The following LMNA variants were observed in gnomAD, a reference collection of about 807,000 sequenced individuals.
LMNA encodes the protein lamin A/C, also known as lamin.
LMNA carries 20 observed loss-of-function variants against 70.4 expected under a neutral mutation model. That is an observed-to-expected ratio of 0.28 (90% CI 0.20 to 0.41). The LOEUF (loss-of-function observed/expected upper bound fraction) is 0.41, where lower values mean the gene tolerates loss of function less well. Among genes scored for constraint, LMNA ranks in the 10% least tolerant of loss-of-function variants. The pLI is 1.00. For synonymous variants in LMNA, 339 were observed against 372.8 expected (o/e 0.91, Z 1.04); for missense variants, 652 against 917.2 (o/e 0.71, Z 3.73).
chr1:156,117,854 C>T (rs1478753076), intron 1 of LMNA, among the ~76,000 whole-genome samples: 4 of 151,886 alleles, frequency 2.6e-5, no homozygotes, highest in African/African-American at 9.7e-5. Flanking sequence ...GGCTAGAGTG[C>T]AATGGTACAA....
intron 3 of LMNA, among the ~76,000 whole-genome samples, chr1:156,104,127 C>T (rs886648337): frequency 6.6e-6 from 1 of 152,240 alleles, no homozygotes; most frequent in East Asian, 1.9e-4. Flanking sequence ...TTCCCTTAGC[C>T]CAGCTCTCTG....
intron 2 of LMNA, among the ~76,000 whole-genome samples, chr1:156,083,366 A>T (rs1414202710): frequency 6.6e-6 from 1 of 152,084 alleles, no homozygotes; most frequent in Non-Finnish European, 1.5e-5. Flanking sequence ...TGAGCTTTGG[A>T]TATGACAGGA....
intron 1 of LMNA, among the ~76,000 whole-genome samples, chr1:156,122,578 C>T (rs1650264164): frequency 6.6e-6 from 1 of 152,158 alleles, no homozygotes. Flanking sequence ...GTTTTCATTG[C>T]TACTAGGAAA....
Position 156,103,621 on chromosome 1 carries a change from G to A in LMNA, c.-206-11092G>A, listed in dbSNP as rs1426354475. ...CTCATTCGGGCGGGGAGAAGGAAGG[G>A]GTCCTGGACTAGCTCTCCTGTGTCC... On this transcript the variant is annotated intron_variant, in intron 3 of 12. Transcript: ENST00000368301. The surrounding 1 kb of genome is among the most constrained non-coding windows in gnomAD (Gnocchi z 4.7). 6.6e-6 allele frequency among the ~76,000 whole-genome samples: 1 copy of A among 152,134 alleles called. No individual in the cohort carries two copies. Among genetic ancestry groups the A allele is most frequent in the Non-Finnish European group, 1.5e-5 (1 of 68,020 alleles).
chr1:156,121,292 A>G (rs533879766), intron 1 of LMNA, among the ~76,000 whole-genome samples: 12 of 151,964 alleles, frequency 7.9e-5, no homozygotes, highest in African/African-American at 2.9e-4. Context: ...TAAGCAGTCC[A>G]CCCACCTTGA....
intron 2 of LMNA, among the ~76,000 whole-genome samples, chr1:156,086,411 TC>T (rs1648477206): frequency 6.6e-6 from 1 of 152,076 alleles, no homozygotes; most frequent in Non-Finnish European, 1.5e-5. Context: ...TCTCTCTCTC[TC>T]TCTCTCTCTC....
chr1:156,123,014 C>T (rs1286703448), intron 1 of LMNA: 2 of 152,244 alleles, frequency 1.3e-5, no homozygotes, highest in Non-Finnish European at 2.9e-5. Flanking sequence ...ATCCCAGGCC[C>T]GGCAGGGGCG....
At chr1:156,119,167 G>A (rs1251370937) in intron 1 of LMNA, among the ~76,000 whole-genome samples, 3 of 151,654 alleles carry the variant, frequency 2.0e-5, no homozygotes, top group Admixed American at 6.6e-5. Flanking sequence ...TGCCAGGCTG[G>A]AGTGCAGTGG....
chr1:156,106,488 C>A (rs909604695), intron 3 of LMNA, among the ~76,000 whole-genome samples: 1 of 152,254 alleles, frequency 6.6e-6, no homozygotes, highest in Non-Finnish European at 1.5e-5. Flanking sequence ...TCGCCTGCGT[C>A]AGCACCAGCC....
chr1:156,104,472 G>T (rs1649252218), intron 3 of LMNA, among the ~76,000 whole-genome samples: 1 of 151,974 alleles, frequency 6.6e-6, no homozygotes. Flanking sequence ...CCCTGGACTG[G>T]ATTCTAAATG....
chr1:156,113,082 G>A (rs1649597862), upstream of LMNA, among the ~76,000 whole-genome samples: 1 of 151,924 alleles, frequency 6.6e-6, no homozygotes, highest in African/African-American at 2.4e-5. Flanking sequence ...ATTACCTGAG[G>A]TCGGGAGTTT....
intron 2 of LMNA, among the ~76,000 whole-genome samples, chr1:156,086,280 G>A (rs1197404728): frequency 6.6e-6 from 1 of 152,190 alleles, no homozygotes; most frequent in Admixed American, 6.5e-5. Flanking sequence ...CCCATCATAG[G>A]TCACTTGAAG....
chr1:156,138,275 C>T lies in LMNA; in HGVS notation c.1699-213C>T. ...GAGTCACTGCTCTGGTTCTCTGTCCCCAAGTCTTCCTGAGCCTTCTCCCCT... is the reference window on the plus strand; with the variant it reads ...GAGTCACTGCTCTGGTTCTCTGTCCTCAAGTCTTCCTGAGCCTTCTCCCCT... On this transcript the variant is annotated intron_variant, in intron 10 of 11. Coordinates refer to ENST00000368300, the MANE Select transcript of LMNA (RefSeq NM_170707.4). The surrounding 1 kb of genome is among the most constrained non-coding windows in gnomAD (Gnocchi z 5.5). 1 of 604,458 alleles carries T rather than the reference C, an allele frequency of 1.7e-6. No individual in the cohort carries two copies. The highest frequency in any genetic ancestry group is 2.8e-5 in the East Asian group (1 of 36,302). The allele number at this position is 604,458 out of a possible 1,614,324, so 37.4% of individuals were successfully genotyped here.
rs1337692832 is a variant in LMNA at position 156,115,178 on chromosome 1, A to T, written c.260A>T (p.Asp87Val). ...GCCGCCTACGAGGCCGAGCTCGGGGATGCCCGCAAGACCCTTGACTCAGTA... is the reference window on the plus strand; with the variant it reads ...GCCGCCTACGAGGCCGAGCTCGGGGTTGCCCGCAAGACCCTTGACTCAGTA... Reference protein sequence around the residue: ...IKAAYEAELGDARKTLDSVAK... With the variant: ...IKAAYEAELGVARKTLDSVAK... The change falls in exon 1 of 12, where the codon GAT becomes GTT. Residue 87 changes from aspartate (D) to valine (V), a missense_variant. By Grantham distance (152) the Asp-to-Val change is radical. This residue lies in a region of LMNA where 254 missense variants were observed against 421.9 expected (regional missense o/e 0.60). Transcript: ENST00000368300. This position sits in a 1 kb window ranked among gnomAD's most constrained non-coding sequence, Gnocchi z 5.8. 1 of 1,612,898 alleles carries T rather than the reference A, an allele frequency of 6.2e-7. No homozygotes were observed.
At chr1:156,119,894 G>T (rs1650076359) in intron 1 of LMNA, among the ~76,000 whole-genome samples, 1 of 152,206 alleles carries the variant, frequency 6.6e-6, no homozygotes, top group Admixed American at 6.5e-5. Context: ...AGACCCTCTG[G>T]TGGTGTCTGG....
Position 156,115,317 on chromosome 1 carries a change from AGGGCGGCGGGCCGGCGCCCCT to A in LMNA, c.356+46_356+66del, listed in dbSNP as rs1409209352. 2 of 1,552,820 alleles carry A rather than the reference AGGGCGGCGGGCCGGCGCCCCT, an allele frequency of 1.3e-6. No homozygotes were observed. The highest frequency in any genetic ancestry group is 2.7e-5 in the African/African-American group (2 of 74,072). ...GCTGCGTGCCTGGCGGGGAGTGGAGAGGGCGGCGGGCCGGCGCCCCTGGCCGGCCGCAGGAAGGGAGTGAGA... is the reference window on the plus strand; with the variant it reads ...GCTGCGTGCCTGGCGGGGAGTGGAGAGGCCGGCCGCAGGAAGGGAGTGAGA... On this transcript the variant is annotated intron_variant, in intron 1 of 11. Coordinates refer to ENST00000368300, the MANE Select transcript of LMNA (RefSeq NM_170707.4). This position sits in a 1 kb window ranked among gnomAD's most constrained non-coding sequence, Gnocchi z 5.8.
At position 156,137,091 on chromosome 1, in the gene LMNA, A is replaced by C; in HGVS notation, c.1489-22A>C. ...GGGTGGCGATGGGAGCGCTGGGGTAAGTGTCCTTTTCTCCTCTCCAGATCT... is the reference window on the plus strand; with the variant it reads ...GGGTGGCGATGGGAGCGCTGGGGTACGTGTCCTTTTCTCCTCTCCAGATCT... On this transcript the variant is annotated intron_variant, in intron 8 of 11. Coordinates refer to ENST00000368300, the MANE Select transcript of LMNA (RefSeq NM_170707.4). This position sits in a 1 kb window ranked among gnomAD's most constrained non-coding sequence, Gnocchi z 4.6. 6.2e-7 allele frequency: 1 copy of C among 1,613,936 alleles called. No homozygotes were observed. Among genetic ancestry groups the C allele is most frequent in the Non-Finnish European group, 8.5e-7 (1 of 1,179,906 alleles).
intron 2 of LMNA, among the ~76,000 whole-genome samples, chr1:156,131,348 G>A (rs1469235142): frequency 6.6e-6 from 1 of 152,130 alleles, no homozygotes; most frequent in Non-Finnish European, 1.5e-5. Context: ...AGCATTTTGG[G>A]AGGCCAAGGA....
Position 156,137,647 on chromosome 1 carries a change from C to A in LMNA, c.1609-7C>A. On this transcript the variant is annotated splice_polypyrimidine_tract_variant and splice_region_variant and intron_variant, in intron 9 of 11. Transcript: ENST00000368300. This position sits in a 1 kb window ranked among gnomAD's most constrained non-coding sequence, Gnocchi z 4.6. ...GACCCTTGGACCTGGTTCCATGTCC[C>A]CACCAGGAAGTGGCCATGCGCAAGC... The A allele has an allele frequency of 6.4e-7, 1 of 1,551,792 alleles. No homozygotes were observed. Among genetic ancestry groups the A allele is most frequent in the Non-Finnish European group, 8.7e-7 (1 of 1,146,846 alleles).
Sources: allele counts gnomAD v4.1 joint callset (sites outside exome capture counted in the v4.1 genomes callset), GRCh38; gene constraint gnomAD v4.1.1; regional missense constraint gnomAD v4.1.1; non-coding constraint Gnocchi (gnomAD v3.1); transcripts MANE v1.5; gene names NCBI Gene and HGNC (gene_info 2026-07-23, HGNC 2026-07-21).